Variants in FAM186B observed in about 807,000 individuals in gnomAD.
The protein encoded by FAM186B is family with sequence similarity 186 member B.
Under a neutral mutation model 83.4 loss-of-function variants are expected in FAM186B, and 68 were observed. The observed-to-expected ratio is 0.81, with a 90% CI of 0.67 to 1.00. The LOEUF (loss-of-function observed/expected upper bound fraction) is 1.00, where lower values mean the gene tolerates loss of function less well. Ranked by LOEUF, FAM186B falls within the 50% of genes least tolerant of loss-of-function variation. FAM186B has a pLI of 0.00. For missense variants in FAM186B, 983 were observed against 1,099.2 expected (o/e 0.89, Z 1.49); for synonymous variants, 389 against 422.0 (o/e 0.92, Z 0.96).
chr12:49,586,298 G>A (rs1307953195), downstream of FAM186B, among the ~76,000 whole-genome samples: 1 of 152,202 alleles, frequency 6.6e-6, no homozygotes, highest in East Asian at 1.9e-4. Flanking sequence ...AATTGTGCAT[G>A]TTTTACCAGA....
chr12:49,622,655 C>T, the FAM186B span: 1 of 152,278 alleles, frequency 6.6e-6, no homozygotes, highest in Admixed American at 6.5e-5. Context: ...TCTAACTCTT[C>T]GTGTCAGGAG....
chr12:49,588,107 G>A (rs1372951017), intron 6 of FAM186B, among the ~76,000 whole-genome samples: 1 of 152,228 alleles, frequency 6.6e-6, no homozygotes, highest in African/African-American at 2.4e-5. Context: ...TGGTGGGGAG[G>A]TTCAGGCTTG....
the FAM186B span, among the ~76,000 whole-genome samples, chr12:49,612,705 C>A: frequency 6.6e-6 from 1 of 152,066 alleles, no homozygotes; most frequent in African/African-American, 2.4e-5. Flanking sequence ...TATATATGCA[C>A]ACAACATTGG....
At chr12:49,585,702 G>A (rs953998717), downstream of FAM186B, among the ~76,000 whole-genome samples, 3 of 152,200 alleles carry the variant, frequency 2.0e-5, no homozygotes, top group Admixed American at 1.3e-4. Context: ...GGGGCTGTGC[G>A]CCAGACAGCA....
chr12:49,617,003 C>T, the FAM186B span, among the ~76,000 whole-genome samples: 1 of 152,146 alleles, frequency 6.6e-6, no homozygotes, highest in South Asian at 2.1e-4. Flanking sequence ...AATGGTGAGT[C>T]TCCTTTATTT....
chr12:49,617,582 TAA>T, the FAM186B span, among the ~76,000 whole-genome samples: 1 of 152,200 alleles, frequency 6.6e-6, no homozygotes, highest in Non-Finnish European at 1.5e-5. Flanking sequence ...ATTTACATTA[TAA>T]GTTTAATTTC....
downstream of FAM186B, chr12:49,587,426 G>T: frequency 1.3e-6 from 1 of 782,692 alleles, no homozygotes; most frequent in Non-Finnish European, 2.0e-6. Flanking sequence ...TTGGCATGGG[G>T]ACCCCGCTTA....
chr12:49,611,413 G>A, the FAM186B span, among the ~76,000 whole-genome samples: 1 of 151,102 alleles, frequency 6.6e-6, no homozygotes, highest in Non-Finnish European at 1.5e-5. Flanking sequence ...AATTAGCCAG[G>A]CGTGGTGGCA....
chr12:49,593,632 CAA>C (rs34152009), intron 5 of FAM186B, among the ~76,000 whole-genome samples: 20 of 86,288 alleles, frequency 2.3e-4, no homozygotes, highest in Admixed American at 3.8e-4. Flanking sequence ...GACTCCATCT[CAA>C]AAAAAAAAAA....
At chr12:49,609,503 C>G (rs2138321519), upstream of FAM186B, among the ~76,000 whole-genome samples, 1 of 152,266 alleles carries the variant, frequency 6.6e-6, no homozygotes, top group Admixed American at 6.5e-5. Flanking sequence ...GAAGAGGCAC[C>G]CTATCCACCC....
chr12:49,585,251 C>T (rs1056170454), downstream of FAM186B, among the ~76,000 whole-genome samples: 1 of 152,158 alleles, frequency 6.6e-6, no homozygotes, highest in Non-Finnish European at 1.5e-5. Context: ...ATCTCCTGAC[C>T]TCGTGATCTG....
At chr12:49,602,588 C>T (rs180881637) in intron 3 of FAM186B, among the ~76,000 whole-genome samples, 1 of 152,298 alleles carries the variant, frequency 6.6e-6, no homozygotes, top group African/African-American at 2.4e-5. Flanking sequence ...CAGAAATTGA[C>T]AGAGATGCAA....
intron 5 of FAM186B, among the ~76,000 whole-genome samples, chr12:49,597,358 T>G (rs984600516): frequency 7.4e-5 from 11 of 148,580 alleles, no homozygotes; most frequent in African/African-American, 2.5e-4. Context: ...ATGCCATGCA[T>G]AGATGGAAAA....
Position 49,598,923 on chromosome 12 carries a change from T to C in FAM186B, c.2196A>G (p.Gln732=). 6.2e-7 allele frequency: 1 copy of C among 1,613,652 alleles called. No homozygotes were observed. The highest frequency in any genetic ancestry group is 8.5e-7 in the Non-Finnish European group (1 of 1,179,926). ...SLRQEAINHV[Q]IMKETEASYK... is the part of the protein sequence containing the mutation. ...AGGAAGCCTCCGTTTCTTTCATGAT[T>C]TGTACATGGTTGATCGCTTCTTGCC... Residue 732 remains glutamine (Q), a synonymous_variant, in exon 5 of 7, where the codon CAA becomes CAG. Transcript: ENST00000257894.
chr12:49,608,347 TG>T (rs1042933664), upstream of FAM186B, among the ~76,000 whole-genome samples: 16 of 151,158 alleles, frequency 1.1e-4, no homozygotes, highest in African/African-American at 3.9e-4. Flanking sequence ...AAAAATTAGC[TG>T]GGTGTGGTGG....
the FAM186B span, among the ~76,000 whole-genome samples, chr12:49,613,016 C>T: frequency 2.0e-5 from 3 of 152,216 alleles, no homozygotes; most frequent in South Asian, 2.1e-4. Flanking sequence ...TCAAAAAAAT[C>T]GAAATCATGC....
intron 5 of FAM186B, among the ~76,000 whole-genome samples, chr12:49,590,006 A>AAAGAGG (rs1181544744): frequency 6.6e-6 from 1 of 151,212 alleles, no homozygotes; most frequent in East Asian, 1.9e-4. Flanking sequence ...AAAAAAGTCA[A>AAAGAGG]AAGAGGAGAA....
chr12:49,584,868 CCCAT>C (rs1939407154), downstream of FAM186B, among the ~76,000 whole-genome samples: 1 of 152,198 alleles, frequency 6.6e-6, no homozygotes, highest in South Asian at 2.1e-4. Flanking sequence ...CTCCTTCCCA[CCCAT>C]CCATGTTTCC....
chr12:49,597,648 G>GTAACACAT (rs1223273847), intron 5 of FAM186B, among the ~76,000 whole-genome samples: 1 of 152,118 alleles, frequency 6.6e-6, no homozygotes, highest in East Asian at 1.9e-4. Flanking sequence ...AACTATGTGA[G>GTAACACAT]ATGATGGATA....
Sources: allele counts gnomAD v4.1 joint callset (sites outside exome capture counted in the v4.1 genomes callset), GRCh38; gene constraint gnomAD v4.1.1; transcripts MANE v1.5; gene names NCBI Gene and HGNC (gene_info 2026-07-23, HGNC 2026-07-21).